MAF: variants seen among roughly 807,000 people sequenced by gnomAD.
MAF encodes MAF bZIP transcription factor.
A neutral mutation model predicts 22.0 loss-of-function variants in MAF; 10 were observed. The ratio of observed to expected loss-of-function variants is 0.45; its 90% CI spans 0.28 to 0.77. The LOEUF is 0.77. Among genes scored for constraint, MAF ranks in the 30% least tolerant of loss-of-function variants. The pLI is 0.12. For synonymous variants in MAF, 337 were observed against 255.8 expected (o/e 1.32, Z -3.03); for missense variants, 544 against 548.4 (o/e 0.99, Z 0.08).
At chr16:79,502,912 C>A in the MAF span, among the ~76,000 whole-genome samples, 2 of 151,026 alleles carry the variant, frequency 1.3e-5, no homozygotes, top group African/African-American at 4.9e-5. Context: ...ATTCATCAAA[C>A]AGTACACTAA....
the MAF span, among the ~76,000 whole-genome samples, chr16:79,464,300 T>C: frequency 6.6e-6 from 1 of 151,960 alleles, no homozygotes; most frequent in Non-Finnish European, 1.5e-5. Context: ...GATCTGACTG[T>C]GTAGAGATAA....
the MAF span, among the ~76,000 whole-genome samples, chr16:79,453,755 C>A: frequency 2.0e-5 from 3 of 152,178 alleles, no homozygotes; most frequent in Admixed American, 6.5e-5. Flanking sequence ...CACTGCTATT[C>A]TCTTTGATTC....
chr16:79,229,316 G>A, the MAF span: 1 of 151,710 alleles, frequency 6.6e-6, no homozygotes, highest in Non-Finnish European at 1.5e-5. Context: ...TCACGGATTT[G>A]GGGGATGGCC....
chr16:79,235,069 G>A, the MAF span, among the ~76,000 whole-genome samples: 4 of 152,092 alleles, frequency 2.6e-5, no homozygotes, highest in African/African-American at 9.7e-5. Context: ...CTTACAGACA[G>A]ATGCAAAAGC....
At chr16:79,499,033 G>A in the MAF span, among the ~76,000 whole-genome samples, 8 of 152,174 alleles carry the variant, frequency 5.3e-5, no homozygotes, top group African/African-American at 1.9e-4. Flanking sequence ...GCCCTCCCCA[G>A]ATAGACAAGG....
chr16:79,389,831 C>T, the MAF span, among the ~76,000 whole-genome samples: 3 of 151,494 alleles, frequency 2.0e-5, no homozygotes, highest in Admixed American at 2.0e-4. Context: ...AAAAAATTAG[C>T]CAGGCGTGGT....
rs1032248313 is a variant in MAF at position 79,593,972 on chromosome 16, G to A, written c.*488C>T. Reference sequence around the variant, plus strand: ...CGAGAAAACCAGGGGGCTCGGCTCCGCTGGAGCCTCTGCCCGTGGATTTGT... The same window carrying A: ...CGAGAAAACCAGGGGGCTCGGCTCCACTGGAGCCTCTGCCCGTGGATTTGT... On this transcript the variant is annotated 3_prime_UTR_variant, in exon 2 of 2. Transcript: ENST00000326043. 2.8e-5 allele frequency: 6 copies of A among 213,168 alleles called. No individual in the cohort carries two copies. Among genetic ancestry groups the A allele is most frequent in the Admixed American group, 1.6e-4 (3 of 18,576 alleles). 13.2% of individuals were successfully genotyped at this position (213,168 alleles called of 1,614,324 possible). A position where few individuals can be genotyped will look rare whatever the true frequency, so the allele number is the denominator to read the frequency against.
At chr16:79,369,766 T>G in the MAF span, among the ~76,000 whole-genome samples, 1 of 152,352 alleles carries the variant, frequency 6.6e-6, no homozygotes, top group East Asian at 1.9e-4. Context: ...CCCTCCATGA[T>G]GGGTTCAAGG....
chr16:79,296,362 C>T, the MAF span, among the ~76,000 whole-genome samples: 1 of 152,058 alleles, frequency 6.6e-6, no homozygotes, highest in Non-Finnish European at 1.5e-5. Flanking sequence ...CACACTGGGG[C>T]CTGTCGGGGG....
the MAF span, among the ~76,000 whole-genome samples, chr16:79,471,255 T>C: frequency 1.3e-5 from 2 of 152,232 alleles, no homozygotes; most frequent in South Asian, 4.1e-4. Context: ...ACTTTTTTCC[T>C]TATCTTACAG....
At chr16:79,558,588 G>C in the MAF span, among the ~76,000 whole-genome samples, 5 of 152,180 alleles carry the variant, frequency 3.3e-5, no homozygotes, top group African/African-American at 1.2e-4. Flanking sequence ...AACACAAAGA[G>C]AGGGGAGTAT....
the MAF span, among the ~76,000 whole-genome samples, chr16:79,526,724 GT>G: frequency 2.6e-5 from 4 of 152,154 alleles, no homozygotes; most frequent in East Asian, 7.7e-4. Context: ...CGTAGCATTT[GT>G]TCATTTCTGT....
At chr16:79,585,676 T>A (rs1867547991), downstream of MAF, among the ~76,000 whole-genome samples, 1 of 152,144 alleles carries the variant, frequency 6.6e-6, no homozygotes, top group South Asian at 2.1e-4. Flanking sequence ...ATCGCATGTA[T>A]CCCTCCTCTT....
the MAF span, among the ~76,000 whole-genome samples, chr16:79,506,890 C>T: frequency 6.6e-6 from 1 of 152,018 alleles, no homozygotes; most frequent in African/African-American, 2.4e-5. Flanking sequence ...TGGGAATGGA[C>T]AAAAATAAAG....
At position 79,599,314 on chromosome 16, in the gene MAF, C is replaced by T; in HGVS notation, c.589G>A (p.Ala197Thr). ...CTGCCCGCGGCGCCGGGCGCGCCGG[C>T]CGTCGGGTGGTGGTGGTGGCCGGCG... ...HAAGHHHHPT[A>T]GAPGAAGSAA... The change falls in exon 1 of 2, where the codon GCC (alanine) becomes ACC (threonine). Residue 197 changes from alanine to threonine, a missense_variant. Physicochemically the swap from Ala to Thr is moderately conservative, Grantham distance 58. Coordinates refer to ENST00000326043, the MANE Select transcript of MAF (RefSeq NM_005360.5). 7 of 983,250 alleles carry T rather than the reference C, an allele frequency of 7.1e-6. No individual in the cohort carries two copies. The highest frequency in any genetic ancestry group is 8.4e-6 in the Non-Finnish European group (7 of 830,264). 60.9% of individuals were successfully genotyped at this position (983,250 alleles called of 1,614,324 possible). A position where few individuals can be genotyped will look rare whatever the true frequency, so the allele number is the denominator to read the frequency against.
chr16:79,510,732 C>T, the MAF span, among the ~76,000 whole-genome samples: 1 of 152,172 alleles, frequency 6.6e-6, no homozygotes, highest in Admixed American at 6.5e-5. Context: ...CTGTAGCTGT[C>T]TTGACATTTT....
the MAF span, among the ~76,000 whole-genome samples, chr16:79,476,686 A>C: frequency 1.3e-5 from 2 of 152,134 alleles, no homozygotes; most frequent in Non-Finnish European, 2.9e-5. Context: ...CAAAGTGCCT[A>C]CCTATGTTAG....
At chr16:79,242,716 TA>T in the MAF span, among the ~76,000 whole-genome samples, 2 of 152,046 alleles carry the variant, frequency 1.3e-5, no homozygotes, top group Non-Finnish European at 2.9e-5. Context: ...AATAGACATC[TA>T]CAGAACTCTC....
At chr16:79,477,954 C>G in the MAF span, among the ~76,000 whole-genome samples, 1 of 142,892 alleles carries the variant, frequency 7.0e-6, no homozygotes, top group African/African-American at 2.5e-5. Context: ...GAACTCCTGA[C>G]CTCGTGATCC....
Sources: allele counts gnomAD v4.1 joint callset (sites outside exome capture counted in the v4.1 genomes callset), GRCh38; gene constraint gnomAD v4.1.1; transcripts MANE v1.5; gene names NCBI Gene and HGNC (gene_info 2026-07-23, HGNC 2026-07-21).